Variants in NRXN3 observed in about 807,000 individuals in gnomAD.
The protein encoded by NRXN3 is neurexin III.
A neutral mutation model predicts 137.6 loss-of-function variants in NRXN3; 32 were observed. The observed-to-expected ratio is 0.23, with a 90% CI of 0.18 to 0.31. The LOEUF (loss-of-function observed/expected upper bound fraction) is 0.31, where lower values mean the gene tolerates loss of function less well. Among genes scored for constraint, NRXN3 ranks in the 10% least tolerant of loss-of-function variants. The pLI is 1.00. For missense variants in NRXN3, 1,574 were observed against 2,062.5 expected (o/e 0.76, Z 4.59); for synonymous variants, 798 against 784.5 (o/e 1.02, Z -0.29).
intron 15 of NRXN3, among the ~76,000 whole-genome samples, chr14:79,412,736 T>G (rs1266805844): frequency 8.7e-6 from 1 of 115,524 alleles, no homozygotes; most frequent in African/African-American, 3.4e-5. Context: ...TGAGCCGAGA[T>G]CACACCACTG....
rs183512154 is a variant in NRXN3 at position 79,421,312 on chromosome 14, A to G, written c.3263-45909A>G. Among the ~76,000 whole-genome samples, 447 of 152,312 alleles carry G rather than the reference A, an allele frequency of 2.9e-3. 2 individuals are homozygous for G. Among genetic ancestry groups the G allele is most frequent in the Middle Eastern group, 0.01 (3 of 294 alleles). On this transcript the variant is annotated intron_variant, in intron 15 of 20. Transcript: ENST00000335750. ...TGATCCAGAAATTTGCAGTTGTGCT[A>G]TTGATAAAATTTATGAGAAACTTTC...
intron 8 of NRXN3, among the ~76,000 whole-genome samples, chr14:78,731,948 G>A (rs537618060): frequency 5.7e-3 from 125 of 21,832 alleles, no homozygotes; most frequent in Middle Eastern, 0.056. Context: ...CTGTGAACAA[G>A]CCACCCCACA....
At chr14:78,439,447 A>T (rs1395471908) in intron 4 of NRXN3, among the ~76,000 whole-genome samples, 1 of 152,140 alleles carries the variant, frequency 6.6e-6, no homozygotes, top group South Asian at 2.1e-4. Context: ...CTCTTTGGGA[A>T]TTGTCTTTTT....
At chr14:78,205,279 A>G (rs1029032615) in intron 1 of NRXN3, among the ~76,000 whole-genome samples, 1 of 152,212 alleles carries the variant, frequency 6.6e-6, no homozygotes, top group Non-Finnish European at 1.5e-5. Flanking sequence ...CCCTTTACCT[A>G]CTGATGAGGA....
chr14:78,804,532 A>C (rs1216171978), intron 9 of NRXN3, among the ~76,000 whole-genome samples: 1 of 152,178 alleles, frequency 6.6e-6, no homozygotes, highest in Non-Finnish European at 1.5e-5. Context: ...TTGTACTATC[A>C]CTCACTAATA....
At chr14:79,613,512 A>C (rs2098125165) in intron 16 of NRXN3, among the ~76,000 whole-genome samples, 1 of 152,360 alleles carries the variant, frequency 6.6e-6, no homozygotes, top group South Asian at 2.1e-4. Flanking sequence ...CCACTTCTTA[A>C]CTTCAAGTAG....
chr14:79,047,778 A>C (rs549393800), intron 15 of NRXN3, among the ~76,000 whole-genome samples: 1 of 152,342 alleles, frequency 6.6e-6, no homozygotes, highest in African/African-American at 2.4e-5. Flanking sequence ...AAGACGGACA[A>C]CACCAAATAT....
intron 15 of NRXN3, among the ~76,000 whole-genome samples, chr14:79,054,196 A>G (rs1000167706): frequency 2.0e-5 from 3 of 151,066 alleles, no homozygotes. Context: ...GCATTAGGAG[A>G]TATATCTAAT....
rs558041474 is a variant in NRXN3 at position 78,912,052 on chromosome 14, T to C, written c.2276-45190T>C. ...GTCATTTAGCATTAGGTATATCTCC[T>C]AATGCTATCCCTCCCCCTGCCCCCC... On this transcript the variant is annotated intron_variant, in intron 10 of 20. Transcript: ENST00000335750. Among the ~76,000 whole-genome samples, 5 of 151,788 alleles carry C rather than the reference T, an allele frequency of 3.3e-5. No homozygotes were observed. The South Asian group carries it at 1.0e-3, about 32-fold the overall frequency.
intron 15 of NRXN3, among the ~76,000 whole-genome samples, chr14:79,363,136 A>G (rs185340339): frequency 7.9e-5 from 12 of 151,868 alleles, no homozygotes; most frequent in African/African-American, 2.9e-4. Context: ...GAGTAGCTGG[A>G]ATTATAGGCG....
chr14:79,281,568 G>A (rs962416573), intron 15 of NRXN3, among the ~76,000 whole-genome samples: 2 of 152,062 alleles, frequency 1.3e-5, no homozygotes, highest in African/African-American at 4.8e-5. Context: ...TCTTGCTTGG[G>A]AGCTAGTGGG....
At chr14:78,403,748 C>T (rs988440299) in intron 4 of NRXN3, 1 of 985,446 alleles carries the variant, frequency 1.0e-6, no homozygotes, top group Non-Finnish European at 1.2e-6. Flanking sequence ...CCGGGAGAGA[C>T]ACAGGACTGG....
intron 4 of NRXN3, among the ~76,000 whole-genome samples, chr14:78,536,748 C>T (rs1041245562): frequency 6.6e-6 from 1 of 151,614 alleles, no homozygotes; most frequent in African/African-American, 2.4e-5. Context: ...TTAATGCTAT[C>T]CCTCCCCCAG....
intron 15 of NRXN3, among the ~76,000 whole-genome samples, chr14:79,257,403 GTGGTGGTGGTGATGGTGGTGA>G (rs2076774747): frequency 1.1e-5 from 1 of 87,454 alleles, no homozygotes; most frequent in Non-Finnish European, 2.4e-5. Context: ...GGTGGTGGTG[GTGGTGGTGGTGATGGTGGTGA>G]TGGTGGTGGT....
At chr14:78,884,834 C>T (rs1168446890) in intron 10 of NRXN3, among the ~76,000 whole-genome samples, 1 of 152,086 alleles carries the variant, frequency 6.6e-6, no homozygotes, top group Non-Finnish European at 1.5e-5. Flanking sequence ...CCCTGAAACT[C>T]TCTGGGTCTC....
intron 15 of NRXN3, among the ~76,000 whole-genome samples, chr14:79,089,600 A>G (rs1210298669): frequency 3.3e-5 from 5 of 152,186 alleles, no homozygotes; most frequent in Non-Finnish European, 5.9e-5. Context: ...AGAAACACTA[A>G]ACTCGCACCT....
chr14:79,542,518 G>A (rs1368345421), intron 16 of NRXN3, among the ~76,000 whole-genome samples: 3 of 152,126 alleles, frequency 2.0e-5, no homozygotes, highest in Admixed American at 2.0e-4. Context: ...TAACTGCAAA[G>A]TTCCTTGTCT....
chr14:79,504,898 A>T (rs1199040372), intron 16 of NRXN3, among the ~76,000 whole-genome samples: 1 of 151,992 alleles, frequency 6.6e-6, no homozygotes, highest in Admixed American at 6.6e-5. Context: ...TTCACTTAGA[A>T]ATATCAAATA....
intron 15 of NRXN3, among the ~76,000 whole-genome samples, chr14:79,160,135 G>A (rs1010035766): frequency 6.6e-6 from 1 of 151,856 alleles, no homozygotes; most frequent in African/African-American, 2.4e-5. Context: ...CTTCTTCAGA[G>A]GTGCTTATGA....
Sources: allele counts gnomAD v4.1 joint callset (sites outside exome capture counted in the v4.1 genomes callset), GRCh38; gene constraint gnomAD v4.1.1; transcripts MANE v1.5; gene names NCBI Gene and HGNC (gene_info 2026-07-23, HGNC 2026-07-21).